The following DPYSL3 variants were observed in gnomAD, a reference collection of about 807,000 sequenced individuals.
DPYSL3 encodes dihydropyrimidinase like 3, also known as dihydropyrimidinase-related protein 3.
Under a neutral mutation model 66.1 loss-of-function variants are expected in DPYSL3, and 16 were observed. That is an observed-to-expected ratio of 0.24 (90% CI 0.16 to 0.37). The LOEUF is 0.37. DPYSL3 is among the 10% of genes least tolerant of loss of function. The pLI, the probability that DPYSL3 is intolerant of heterozygous loss-of-function variation, is 1.00. For synonymous variants in DPYSL3, 338 were observed against 345.1 expected, an observed-to-expected ratio of 0.98 and a Z score of 0.23; for missense variants, 738 against 916.2, an observed-to-expected ratio of 0.81 and a Z score of 2.51.
At chr5:147,507,468 G>C (rs1247746685) in intron 1 of DPYSL3, among the ~76,000 whole-genome samples, 1 of 152,028 alleles carries the variant, frequency 6.6e-6, no homozygotes, top group Non-Finnish European at 1.5e-5. Context: ...AAAACAGATG[G>C]TTTAATTAAG....
intron 1 of DPYSL3, among the ~76,000 whole-genome samples, chr5:147,447,939 C>G (rs978065248): frequency 3.9e-5 from 6 of 152,150 alleles, no homozygotes; most frequent in African/African-American, 1.4e-4. Context: ...CTGATTTCAT[C>G]AAAGGATGAA....
chr5:147,496,822 C>T (rs2126454165), intron 1 of DPYSL3, among the ~76,000 whole-genome samples: 1 of 151,886 alleles, frequency 6.6e-6, no homozygotes, highest in East Asian at 1.9e-4. Context: ...CTAGTTCAAC[C>T]ATTGTGGAAG....
intron 1 of DPYSL3, among the ~76,000 whole-genome samples, chr5:147,444,237 C>G (rs955117061): frequency 2.6e-5 from 4 of 152,044 alleles, no homozygotes; most frequent in Non-Finnish European, 4.4e-5. Flanking sequence ...ATCATTTAAG[C>G]CTTGTGTGAT....
Position 147,466,315 on chromosome 5 carries a change from G to A in DPYSL3, c.382-41352C>T, listed in dbSNP as rs563240904. Reference sequence around the variant, plus strand: ...AGACTGTTGAGTTATTTAGGAATTGGAGAATAGGGAGTCTGTGTCTCAAAT... The same window carrying A: ...AGACTGTTGAGTTATTTAGGAATTGAAGAATAGGGAGTCTGTGTCTCAAAT... On this transcript the variant is annotated intron_variant, in intron 1 of 13. Coordinates refer to ENST00000343218, the MANE Select transcript of DPYSL3 (RefSeq NM_001197294.2). 2.6e-5 allele frequency among the ~76,000 whole-genome samples: 4 copies of A among 152,304 alleles called. No homozygotes were observed. The South Asian group carries it at 8.3e-4, about 32-fold the overall frequency.
chr5:147,509,031 A>AC lies in DPYSL3; in HGVS notation c.381+446dup, dbSNP rs1241192998. On this transcript the variant is annotated intron_variant, in intron 1 of 13. Transcript: ENST00000343218. This position sits in a 1 kb window ranked among gnomAD's most constrained non-coding sequence, Gnocchi z 5.3. ...CTTTCATCCGGGCACTATGGAGATG[A>AC]CCCCCATATTCCCAGCATCACTTTG... Among the ~76,000 whole-genome samples the AC allele has an allele frequency of 1.3e-5, 2 of 151,870 alleles. No homozygotes were observed. The highest frequency in any genetic ancestry group is 2.9e-5 in the Non-Finnish European group (2 of 67,986).
At chr5:147,436,107 C>T (rs534204437) in intron 1 of DPYSL3, among the ~76,000 whole-genome samples, 202 of 152,238 alleles carry the variant, frequency 1.3e-3, no homozygotes, top group Non-Finnish European at 2.4e-3. Context: ...CTATTGGTGC[C>T]CTAAGAGCTA....
At chr5:147,451,622 C>T (rs1369151930) in intron 1 of DPYSL3, among the ~76,000 whole-genome samples, 1 of 152,082 alleles carries the variant, frequency 6.6e-6, no homozygotes, top group African/African-American at 2.4e-5. Flanking sequence ...AGAACCACTG[C>T]AGTCTAGGAG....
At position 147,392,427 on chromosome 5, in the gene DPYSL3, C is replaced by T. The variant is rs573291818; in HGVS notation, c.*1608G>A. The stretch of plus-strand genomic sequence containing the variant: ...CTGCAGTCAGAGACAATGGTTTCTC[C>T]TAAGCAATTAAAAGGTGTCTGAGGC... On this transcript the variant is annotated 3_prime_UTR_variant, in exon 14 of 14. Transcript: ENST00000343218. 2 of 152,320 alleles carry T rather than the reference C, an allele frequency of 1.3e-5. No homozygotes were observed. Among genetic ancestry groups the T allele is most frequent in the African/African-American group, 2.4e-5 (1 of 41,552 alleles). The allele number at this position is 152,320 out of a possible 1,614,324, so 9.4% of individuals were successfully genotyped here.
chr5:147,463,939 T>C (rs1752971154), intron 1 of DPYSL3, among the ~76,000 whole-genome samples: 1 of 151,844 alleles, frequency 6.6e-6, no homozygotes, highest in African/African-American at 2.4e-5. Context: ...AGGGCCTTAG[T>C]CAACACCACT....
At chr5:147,460,113 A>G (rs78962085) in intron 1 of DPYSL3, among the ~76,000 whole-genome samples, 1 of 136,590 alleles carries the variant, frequency 7.3e-6, no homozygotes, top group Non-Finnish European at 1.5e-5. Context: ...TCCGTCTCAG[A>G]AAAAAAAAAA....
rs1192925542 is a variant in DPYSL3 at position 147,509,801 on chromosome 5, G to A, written c.58C>T (p.Leu20=). Residue 20 remains leucine, a synonymous_variant, in exon 1 of 14, where the codon CTG becomes TTG. Coordinates refer to ENST00000343218, the MANE Select transcript of DPYSL3 (RefSeq NM_001197294.2). This position sits in a 1 kb window ranked among gnomAD's most constrained non-coding sequence, Gnocchi z 5.3. ...SSHEDDLPVY[L]ARPGTTDQVP... is the part of the protein sequence containing the mutation. ...TGGTCCGTGGTGCCCGGCCTGGCCA[G>A]GTACACGGGCAGATCGTCTTCGTGG... 1 of 1,535,848 alleles carries A rather than the reference G, an allele frequency of 6.5e-7. No individual in the cohort carries two copies. The highest frequency in any genetic ancestry group is 8.7e-7 in the Non-Finnish European group (1 of 1,146,788).
intron 2 of DPYSL3, among the ~76,000 whole-genome samples, chr5:147,419,606 C>T (rs1752041573): frequency 6.6e-6 from 1 of 152,158 alleles, no homozygotes; most frequent in African/African-American, 2.4e-5. Flanking sequence ...TAAAAATCTC[C>T]TACCTTGGGA....
rs1358410596 is a variant in DPYSL3 at position 147,412,703 on chromosome 5, A to G, written c.883-15T>C. The G allele has an allele frequency of 6.2e-7, 1 of 1,604,598 alleles. No individual in the cohort carries two copies. The highest frequency in any genetic ancestry group is 1.3e-5 in the African/African-American group (1 of 74,834). On this transcript the variant is annotated splice_polypyrimidine_tract_variant and intron_variant, in intron 5 of 13. Transcript: ENST00000343218. ...ATCTCATAGAGCTGAAATAGAAATG[A>G]GTCTTTGTCACTCTTGCAAGCACTT... is the stretch of plus-strand genomic sequence containing the variant.
Position 147,452,180 on chromosome 5 carries a change from T to C in DPYSL3, c.382-27217A>G, listed in dbSNP as rs559534936. Among the ~76,000 whole-genome samples, 4 of 152,236 alleles carry C rather than the reference T, an allele frequency of 2.6e-5. No homozygotes were observed. The South Asian group carries it at 6.2e-4, about 24-fold the overall frequency. ...AAATAAACCATTTGACAATAAAACA[T>C]AGTAGGCGCAAGGGAGGCTTCTTCC... On this transcript the variant is annotated intron_variant, in intron 1 of 13. Transcript: ENST00000343218.
In DPYSL3 at chr5:147,472,045, C is replaced by A. The variant is rs1248488818; in HGVS notation, c.381+37433G>T. On this transcript the variant is annotated intron_variant, in intron 1 of 13. Transcript: ENST00000343218. Reference sequence around the variant, plus strand: ...AATTCTGTGAGACCATAGCAATCAACCTCCTCCATCTTACAGCTGAAGCAC... The same window carrying A: ...AATTCTGTGAGACCATAGCAATCAAACTCCTCCATCTTACAGCTGAAGCAC... Among the ~76,000 whole-genome samples the A allele has an allele frequency of 3.9e-5, 6 of 152,270 alleles. No homozygotes were observed. In the South Asian group the frequency reaches 8.3e-4, roughly 21 times the overall value.
At position 147,405,591 on chromosome 5, in the gene DPYSL3, T is replaced by G. The variant is rs1245319565; in HGVS notation, c.1153+19A>C. 1 of 1,604,996 alleles carries G rather than the reference T, an allele frequency of 6.2e-7. No homozygotes were observed. Among genetic ancestry groups the G allele is most frequent in the South Asian group, 1.1e-5 (1 of 89,380 alleles). On this transcript the variant is annotated intron_variant, in intron 8 of 13. Transcript: ENST00000343218. ...CACAGTGCCATCAGGGGCTCCGAGATCTTGGAAACACAAATCACCTTTTTT... is the reference window on the plus strand; with the variant it reads ...CACAGTGCCATCAGGGGCTCCGAGAGCTTGGAAACACAAATCACCTTTTTT...
intron 1 of DPYSL3, among the ~76,000 whole-genome samples, chr5:147,460,629 C>G: frequency 6.6e-6 from 1 of 152,178 alleles, no homozygotes; most frequent in Non-Finnish European, 1.5e-5. Flanking sequence ...AAGCAAGAGT[C>G]ACTGTGTCTA....
At chr5:147,481,443 G>C (rs1008884788) in intron 1 of DPYSL3, among the ~76,000 whole-genome samples, 2 of 152,148 alleles carry the variant, frequency 1.3e-5, no homozygotes, top group Non-Finnish European at 2.9e-5. Flanking sequence ...GAGGTTCCTG[G>C]GTCAGAGACA....
intron 7 of DPYSL3, 130 bp from the exon 8 acceptor site, chr5:147,405,860 G>T: frequency 8.2e-7 from 1 of 1,222,506 alleles, no homozygotes; most frequent in Non-Finnish European, 1.1e-6. Context: ...TCTGGAATTA[G>T]ATAGCCTATA....
Sources: allele counts gnomAD v4.1 joint callset (sites outside exome capture counted in the v4.1 genomes callset), GRCh38; gene constraint gnomAD v4.1.1; non-coding constraint Gnocchi (gnomAD v3.1); transcripts MANE v1.5; gene names NCBI Gene and HGNC (gene_info 2026-07-23, HGNC 2026-07-21).